The following RNASEH1 variants were observed in gnomAD, a reference collection of about 807,000 sequenced individuals.
RNASEH1 encodes the protein ribonuclease H1, also known as ribonuclease H type II.
Under a neutral mutation model 34.6 loss-of-function variants are expected in RNASEH1, and 27 were observed. The ratio of observed to expected loss-of-function variants is 0.78; its 90% confidence interval spans 0.58 to 1.08. The LOEUF is 1.08. Ranked by LOEUF, RNASEH1 falls within the 50% of genes least tolerant of loss-of-function variation. RNASEH1 has a pLI of 0.00. For synonymous variants in RNASEH1, 162 were observed against 138.4 expected, an observed-to-expected ratio of 1.17 and a Z score of -1.20; for missense variants, 349 against 373.6, an observed-to-expected ratio of 0.93 and a Z score of 0.54.
At chr2:3,553,791 C>T (rs370449870) in intron 2 of RNASEH1, among the ~76,000 whole-genome samples, 35 of 152,298 alleles carry the variant, frequency 2.3e-4, no homozygotes, top group African/African-American at 7.7e-4. Flanking sequence ...CTAAATTAGA[C>T]CAGGACTCAA....
chr2:3,534,787 C>G, the RNASEH1 span, among the ~76,000 whole-genome samples: 4 of 152,324 alleles, frequency 2.6e-5, no homozygotes, highest in African/African-American at 9.6e-5. Context: ...CAGAAAAAAT[C>G]CTGTGCCACA....
chr2:3,558,220 G>A lies in RNASEH1; in HGVS notation c.41C>T (p.Ala14Val). 1 of 1,598,844 alleles carries A rather than the reference G, an allele frequency of 6.3e-7. No individual in the cohort carries two copies. Among genetic ancestry groups the A allele is most frequent in the South Asian group, 1.1e-5 (1 of 88,928 alleles). The stretch of plus-strand genomic sequence containing the variant: ...AGAGCCGCGGCGGCAGGGCAAGGCG[G>A]CCAAGGCGACTCTGTGGGCCAGGAA... ...LLFLAHRVALAALPCRRGSRG... is the reference protein window; with the variant it reads ...LLFLAHRVALVALPCRRGSRG... The change falls in exon 1 of 8, where the codon GCC becomes GTC. Residue 14 changes from alanine (A) to valine (V), a missense_variant. By Grantham distance (64) the Ala-to-Val change is moderately conservative (BLOSUM62 0). Around this residue, in one of 2 missense-constraint regions of RNASEH1, gnomAD observed 256 missense variants for 240.7 expected, o/e 1.06. Transcript: ENST00000315212.
At chr2:3,553,888 G>A (rs954482277) in intron 2 of RNASEH1, among the ~76,000 whole-genome samples, 1 of 152,146 alleles carries the variant, frequency 6.6e-6, no homozygotes, top group Non-Finnish European at 1.5e-5. Context: ...GTAAAACGAG[G>A]CCCTGGGCTA....
At chr2:3,533,719 G>A in the RNASEH1 span, 3 of 152,310 alleles carry the variant, frequency 2.0e-5, no homozygotes, top group Non-Finnish European at 4.4e-5. Flanking sequence ...ACCTCCCAAA[G>A]AAATGGAAAG....
intron 2 of RNASEH1, among the ~76,000 whole-genome samples, chr2:3,552,782 G>C (rs1660102884): frequency 6.6e-6 from 1 of 152,038 alleles, no homozygotes; most frequent in African/African-American, 2.4e-5. Context: ...AGTATCGCTT[G>C]AGCCCGGGTT....
intron 7 of RNASEH1, 127 bp downstream of exon 7, chr2:3,547,804 T>C (rs1668900638): frequency 2.1e-6 from 2 of 961,950 alleles, no homozygotes; most frequent in Admixed American, 2.0e-5. Flanking sequence ...CGTTGTAATA[T>C]ACATTATGAT....
downstream of RNASEH1, among the ~76,000 whole-genome samples, chr2:3,537,507 G>C (rs947066861): frequency 6.6e-6 from 1 of 152,146 alleles, no homozygotes; most frequent in Non-Finnish European, 1.5e-5. Context: ...AGAATTGCTT[G>C]AGCCCAGAAG....
Position 3,552,164 on chromosome 2 carries a change from C to G in RNASEH1, c.389G>C (p.Arg130Thr). The G allele has an allele frequency of 1.2e-6, 2 of 1,610,692 alleles. No homozygotes were observed. Among genetic ancestry groups the G allele is most frequent in the South Asian group, 2.2e-5 (2 of 90,632 alleles). The change falls in exon 3 of 8, where the codon AGA (arginine) becomes ACA (threonine). Residue 130 changes from arginine to threonine, a missense_variant. This residue lies in a region of RNASEH1 where 256 missense variants were observed against 240.7 expected (regional missense o/e 1.06). Transcript: ENST00000315212. The stretch of plus-strand genomic sequence containing the variant: ...TGTACCCATGTAGGAAAACGTGTCT[C>G]TGCTAACTGGAGGCGCCGGCTCCAC... Reference protein sequence around the residue: ...PSVEPAPPVSRDTFSYMGDFV... With the variant: ...PSVEPAPPVSTDTFSYMGDFV...
At chr2:3,537,334 T>C (rs191197721), downstream of RNASEH1, among the ~76,000 whole-genome samples, 5 of 152,318 alleles carry the variant, frequency 3.3e-5, no homozygotes, top group East Asian at 5.8e-4. Context: ...ACAGCACCGA[T>C]GCCCTTTACC....
chr2:3,550,369 T>C lies in RNASEH1; in HGVS notation c.509+4A>G. On this transcript the variant is annotated splice_donor_region_variant and intron_variant, in intron 4 of 7. Coordinates refer to ENST00000315212, the MANE Select transcript of RNASEH1 (RefSeq NM_002936.6). ...TCAGTAAAACTCAGCTTCGTTTAAC[T>C]TACAAAGGATGGCCTGGCCCCCAGT... 1.2e-6 allele frequency: 2 copies of C among 1,609,956 alleles called. No homozygotes were observed. The highest frequency in any genetic ancestry group is 1.7e-6 in the Non-Finnish European group (2 of 1,176,244).
In RNASEH1 at chr2:3,558,150, G is replaced by A. The variant is rs1313522440; in HGVS notation, c.111C>T (p.Thr37=). 8.7e-6 allele frequency: 14 copies of A among 1,600,856 alleles called. No homozygotes were observed. Among genetic ancestry groups the A allele is most frequent in the African/African-American group, 1.3e-5 (1 of 74,080 alleles). ...MFYAVRRGRK[T]GVFLTWNECR... is the part of the protein sequence containing the mutation. The stretch of plus-strand genomic sequence containing the variant: ...CCACTCACCAGGTCAGAAAGACCCC[G>A]GTCTTGCGGCCCCTCCTCACGGCAT... Residue 37 remains threonine (T), a synonymous_variant, in exon 1 of 8, where the codon ACC becomes ACT. Coordinates refer to ENST00000315212, the MANE Select transcript of RNASEH1 (RefSeq NM_002936.6).
chr2:3,557,379 C>T (rs1425482612), intron 1 of RNASEH1, among the ~76,000 whole-genome samples: 1 of 152,158 alleles, frequency 6.6e-6, no homozygotes, highest in Non-Finnish European at 1.5e-5. Flanking sequence ...AGCCAGCACA[C>T]CAGCACCATA....
At chr2:3,546,299 G>A (rs1668741850) in intron 7 of RNASEH1, among the ~76,000 whole-genome samples, 1 of 152,012 alleles carries the variant, frequency 6.6e-6, no homozygotes, top group African/African-American at 2.4e-5. Flanking sequence ...TACACATCAG[G>A]CTACCAAACT....
chr2:3,538,804 C>T (rs75593113), downstream of RNASEH1, among the ~76,000 whole-genome samples: 5,241 of 152,308 alleles, frequency 0.034, 120 homozygotes, highest in South Asian at 0.088. Flanking sequence ...GAGTGGGCCA[C>T]GCCTCTGTCT....
At chr2:3,548,971 T>C (rs1040765863) in intron 5 of RNASEH1, 87 bp downstream of exon 5, 69 of 1,086,494 alleles carry the variant, frequency 6.4e-5, no homozygotes, top group Non-Finnish European at 8.9e-5. Flanking sequence ...CTTATATGTA[T>C]AGGTAGAAAA....
Position 3,552,242 on chromosome 2 carries a change from T to G in RNASEH1, c.311A>C (p.Asp104Ala), listed in dbSNP as rs1660005597. ...KASKRLREPL[D>A]GDGHESAEPY... ...CTCTGCGCTTTCATGTCCATCTCCA[T>G]CCAGTGGCTCACGGAGTCGCTTGCT... Residue 104 changes from aspartate (D) to alanine (A), a missense_variant, in exon 3 of 8, where the codon GAT becomes GCT. By Grantham distance (126) the Asp-to-Ala change is moderately radical (BLOSUM62 -2). Around this residue, in one of 2 missense-constraint regions of RNASEH1, gnomAD observed 256 missense variants for 240.7 expected, o/e 1.06. Coordinates refer to ENST00000315212, the MANE Select transcript of RNASEH1 (RefSeq NM_002936.6). The G allele has an allele frequency of 1.2e-6, 2 of 1,613,994 alleles. No individual in the cohort carries two copies. Among genetic ancestry groups the G allele is most frequent in the Non-Finnish European group, 1.7e-6 (2 of 1,180,008 alleles).
chr2:3,552,573 TCCCCTCCAC>T (rs1660074476), intron 2 of RNASEH1, among the ~76,000 whole-genome samples: 3 of 33,872 alleles, frequency 8.9e-5, no homozygotes, highest in Non-Finnish European at 1.6e-4. Flanking sequence ...CACCACCCCC[TCCCCTCCAC>T]ACCACCACCA....
intron 2 of RNASEH1, among the ~76,000 whole-genome samples, chr2:3,555,605 A>C (rs1660412444): frequency 6.6e-6 from 1 of 152,240 alleles, no homozygotes; most frequent in African/African-American, 2.4e-5. Flanking sequence ...CAAGCATCTC[A>C]GTGGCCTCTA....
chr2:3,557,578 G>C (rs1251775650), intron 1 of RNASEH1: 1 of 328,792 alleles, frequency 3.0e-6, no homozygotes, highest in Admixed American at 4.3e-5. Flanking sequence ...GGTACAGTCA[G>C]AACAGCTGGG....
Sources: gnomAD v4.1 joint callset for allele counts (sites outside exome capture counted in the v4.1 genomes callset) on GRCh38, gnomAD v4.1.1 for gene constraint, gnomAD v4.1.1 regional missense constraint, MANE v1.5 for transcripts, NCBI Gene and HGNC (gene_info 2026-07-23, HGNC 2026-07-21) for gene names.